The following FAM186A variants were observed in gnomAD, a reference collection of about 807,000 sequenced individuals.
FAM186A encodes the protein protein FAM186A.
In FAM186A, 163 loss-of-function variants were observed where a neutral mutation model predicts 216.8. The ratio of observed to expected loss-of-function variants is 0.75; its 90% CI spans 0.66 to 0.86. FAM186A has a LOEUF of 0.86. Among genes scored for constraint, FAM186A ranks in the 40% least tolerant of loss-of-function variants. FAM186A has a pLI of 0.00. For synonymous variants in FAM186A, 805 were observed against 1,025.3 expected (o/e 0.79, Z 4.10); for missense variants, 2,184 against 2,746.2 (o/e 0.80, Z 4.58).
At chr12:50,377,508 T>C (rs1371976338) in intron 1 of FAM186A, among the ~76,000 whole-genome samples, 1 of 152,160 alleles carries the variant, frequency 6.6e-6, no homozygotes, top group Non-Finnish European at 1.5e-5. Flanking sequence ...AATGATTTCT[T>C]TGATATGATA....
intron 3 of FAM186A, among the ~76,000 whole-genome samples, chr12:50,357,450 C>T (rs1366645751): frequency 3.5e-5 from 5 of 144,542 alleles, no homozygotes; most frequent in Non-Finnish European, 4.5e-5. Flanking sequence ...TGCGGTGAGC[C>T]GAGATCACAC....
chr12:50,355,958 G>A lies in FAM186A; in HGVS notation c.874C>T (p.His292Tyr), dbSNP rs1283304413. 4 of 1,551,204 alleles carry A rather than the reference G, an allele frequency of 2.6e-6. No individual in the cohort carries two copies. Among genetic ancestry groups the A allele is most frequent in the South Asian group, 1.2e-5 (1 of 84,060 alleles). Residue 292 changes from histidine (H) to tyrosine (Y), a missense_variant, in exon 4 of 8, where the codon CAT becomes TAT. Transcript: ENST00000327337. ...VNFQSSTVYA[H>Y]ETSEAEKELS... ...TCCTTTTCTGCTTCACTTGTCTCAT[G>A]TGCATACACAGTGGAACTTTGGAAG...
At chr12:50,358,936 AAG>A (rs1555216960) in intron 3 of FAM186A, among the ~76,000 whole-genome samples, 1 of 151,492 alleles carries the variant, frequency 6.6e-6, no homozygotes, top group Non-Finnish European at 1.5e-5. Flanking sequence ...AAAAAAAAAA[AAG>A]TTAAAACTCA....
intron 4 of FAM186A, among the ~76,000 whole-genome samples, chr12:50,338,562 A>G (rs1482514114): frequency 6.6e-6 from 1 of 152,214 alleles, no homozygotes; most frequent in Non-Finnish European, 1.5e-5. Flanking sequence ...TTTAAGTCTC[A>G]GAGAAGTTCT....
chr12:50,393,089 G>A (rs1024653919), intron 1 of FAM186A, among the ~76,000 whole-genome samples: 1 of 145,328 alleles, frequency 6.9e-6, no homozygotes, highest in Non-Finnish European at 1.5e-5. Flanking sequence ...ACCACGCCCG[G>A]CTAATTTTTT....
At chr12:50,362,766 A>AAT (rs1943048757) in intron 2 of FAM186A, among the ~76,000 whole-genome samples, 7 of 129,282 alleles carry the variant, frequency 5.4e-5, no homozygotes, top group Non-Finnish European at 1.0e-4. Context: ...AAAAAAAAAA[A>AAT]GGGTAAAGTG....
At chr12:50,346,567 G>A (rs528874152) in intron 4 of FAM186A, among the ~76,000 whole-genome samples, 6 of 152,274 alleles carry the variant, frequency 3.9e-5, no homozygotes, top group African/African-American at 7.2e-5. Context: ...TACAAAAATC[G>A]CCGGGCGTGG....
intron 1 of FAM186A, among the ~76,000 whole-genome samples, chr12:50,392,801 C>T (rs1943372916): frequency 1.6e-5 from 2 of 124,668 alleles, no homozygotes; most frequent in South Asian, 5.4e-4. Context: ...TTAGTAGAGA[C>T]GGGGTTTCAC....
chr12:50,328,074 A>G (rs1942622669), intron 7 of FAM186A, among the ~76,000 whole-genome samples: 1 of 152,206 alleles, frequency 6.6e-6, no homozygotes, highest in Non-Finnish European at 1.5e-5. Context: ...ATTGGAAAAA[A>G]CTGAATATTA....
chr12:50,337,784 T>C (rs1807478093), intron 4 of FAM186A, among the ~76,000 whole-genome samples: 1 of 151,964 alleles, frequency 6.6e-6, no homozygotes, highest in Admixed American at 6.6e-5. Flanking sequence ...TAGTCCCAGC[T>C]ACTCGGGAGG....
At chr12:50,364,588 A>G (rs1943069858) in intron 1 of FAM186A, among the ~76,000 whole-genome samples, 1 of 150,664 alleles carries the variant, frequency 6.6e-6, no homozygotes, top group Admixed American at 6.6e-5. Context: ...TAAAATAAAA[A>G]TAAAAATAAA....
intron 4 of FAM186A, among the ~76,000 whole-genome samples, chr12:50,342,599 C>T (rs1056826852): frequency 6.6e-6 from 1 of 151,164 alleles, no homozygotes; most frequent in African/African-American, 2.4e-5. Flanking sequence ...CTCAGCCTCC[C>T]GAGTAGCTGG....
chr12:50,367,093 A>G (rs1943096668), intron 1 of FAM186A, among the ~76,000 whole-genome samples: 1 of 152,016 alleles, frequency 6.6e-6, no homozygotes, highest in African/African-American at 2.4e-5. Context: ...ATATACGAAA[A>G]GCCCACAGGT....
rs1175053967 is a variant in FAM186A, at chr12:50,378,620, A to ATATATATATATATACACATATGTAAATTG, written c.193-15257_193-15256insCAATTTACATATGTGTATATATATATATA. Among the ~76,000 whole-genome samples, 33 of 1,542 alleles carry ATATATATATATATACACATATGTAAATTG rather than the reference A, an allele frequency of 0.021. 1 individual carries two copies. The South Asian group carries it at 0.27, about 13-fold the overall frequency. The allele number at this position is 1,542 out of a possible 152,430, so 1.0% of individuals were successfully genotyped here. On this transcript the variant is annotated intron_variant, in intron 1 of 7. Transcript: ENST00000327337. ...ATATATATACACATATGTAAATTGT[A>ATATATATATATATACACATATGTAAATTG]TATATATATATATACACATACATAT...
intron 2 of FAM186A, 41 bp from the exon 3 acceptor site, chr12:50,360,967 A>G: frequency 7.0e-7 from 1 of 1,433,044 alleles, no homozygotes; most frequent in East Asian, 2.5e-5. Flanking sequence ...GTGCAGAAAA[A>G]TAAATAACTA....
At chr12:50,359,393 C>A (rs967196735) in intron 3 of FAM186A, among the ~76,000 whole-genome samples, 1 of 151,386 alleles carries the variant, frequency 6.6e-6, no homozygotes, top group African/African-American at 2.4e-5. Context: ...AGTGAAACTC[C>A]GTCTCAAAAA....
Position 50,351,347 on chromosome 12 carries a change from G to A in FAM186A, c.5485C>T (p.Arg1829Trp), listed in dbSNP as rs1041609494. Residue 1829 changes from arginine to tryptophan, a missense_variant, in exon 4 of 8, where the codon CGG becomes TGG. Transcript: ENST00000327337. ...PPSPGQLPIS[R>W]APPTPGQPFI... The stretch of plus-strand genomic sequence containing the variant: ...GGCTGCCCTGGAGTGGGAGGGGCCC[G>A]AGATATTGGGAGCTGCCCAGGGGAG... 6.7e-6 allele frequency: 10 copies of A among 1,485,756 alleles called. No homozygotes were observed. The Admixed American group carries it at 1.5e-4, about 23-fold the overall frequency. 92.0% of individuals were successfully genotyped at this position (1,485,756 alleles called of 1,614,324 possible). A position where few individuals can be genotyped will look rare whatever the true frequency, so the allele number is the denominator to read the frequency against.
At chr12:50,369,680 A>G (rs1943123396) in intron 1 of FAM186A, among the ~76,000 whole-genome samples, 1 of 151,904 alleles carries the variant, frequency 6.6e-6, no homozygotes, top group South Asian at 2.1e-4. Context: ...CAATGTCAAA[A>G]AAAGAAAAAC....
chr12:50,379,940 A>G (rs537486300), intron 1 of FAM186A, among the ~76,000 whole-genome samples: 1 of 141,632 alleles, frequency 7.1e-6, no homozygotes. Context: ...TTGGTTACAT[A>G]TAGGGTGTAT....
Sources: allele counts gnomAD v4.1 joint callset (sites outside exome capture counted in the v4.1 genomes callset), GRCh38; gene constraint gnomAD v4.1.1; transcripts MANE v1.5; gene names NCBI Gene and HGNC (gene_info 2026-07-23, HGNC 2026-07-21).